Variants in FOXN3 observed in about 807,000 individuals in gnomAD.
The protein encoded by FOXN3 is forkhead box protein N3.
In FOXN3, 7 loss-of-function variants were observed where a neutral mutation model predicts 38.4. That is an observed-to-expected ratio of 0.18 (90% CI 0.10 to 0.34). The LOEUF (loss-of-function observed/expected upper bound fraction) is 0.34. Ranked by LOEUF, FOXN3 falls within the 10% of genes least tolerant of loss-of-function variation. The probability of loss-of-function intolerance (pLI) is 1.00; values close to 1 mark genes in which losing one functional copy is unlikely to be tolerated. For synonymous variants in FOXN3, 230 were observed against 242.2 expected (o/e 0.95, Z 0.47); for missense variants, 456 against 613.4 (o/e 0.74, Z 2.71).
chr14:89,563,410 T>C (rs1024650991), intron 1 of FOXN3, among the ~76,000 whole-genome samples: 7 of 152,208 alleles, frequency 4.6e-5, no homozygotes, highest in African/African-American at 1.4e-4. Context: ...AGAATGGCAA[T>C]GGCAGATCCA....
intron 4 of FOXN3, among the ~76,000 whole-genome samples, chr14:89,242,175 C>T (rs1005807527): frequency 5.3e-5 from 8 of 152,184 alleles, no homozygotes. Flanking sequence ...CAGAAAGTGA[C>T]AGAGAGAAGG....
chr14:89,507,899 A>G (rs533163874), intron 1 of FOXN3, among the ~76,000 whole-genome samples: 26 of 152,244 alleles, frequency 1.7e-4, no homozygotes, highest in Non-Finnish European at 3.4e-4. Context: ...CTTGTGAAGT[A>G]GAAATGATTG....
In FOXN3 at chr14:89,332,723, T is replaced by C. The variant is rs1018774893; in HGVS notation, c.680+17949A>G. On this transcript the variant is annotated intron_variant, in intron 3 of 5. Transcript: ENST00000557258. ...AGTGGGACTACATCAAACTAAAAAGTTTTTTGTACAGCAAAGGAAATAGTC... is the reference window on the plus strand; with the variant it reads ...AGTGGGACTACATCAAACTAAAAAGCTTTTTGTACAGCAAAGGAAATAGTC... Among the ~76,000 whole-genome samples the C allele has an allele frequency of 7.2e-5, 11 of 152,254 alleles. No individual in the cohort carries two copies. In the East Asian group the frequency reaches 1.9e-3, roughly 27 times the overall value.
chr14:89,611,797 C>T (rs1280674246), intron 1 of FOXN3, among the ~76,000 whole-genome samples: 5 of 120,608 alleles, frequency 4.1e-5, no homozygotes, highest in Non-Finnish European at 8.5e-5. Context: ...CAGAGTGAGA[C>T]TCCGTCTCAA....
At chr14:89,524,301 G>C (rs1352811376) in intron 1 of FOXN3, among the ~76,000 whole-genome samples, 1 of 137,938 alleles carries the variant, frequency 7.2e-6, no homozygotes, top group African/African-American at 2.6e-5. Flanking sequence ...GTGAAACCCG[G>C]GGGGCAGAGC....
chr14:89,463,838 G>A (rs1175083318), intron 1 of FOXN3, among the ~76,000 whole-genome samples: 3 of 149,844 alleles, frequency 2.0e-5, no homozygotes, highest in African/African-American at 7.4e-5. Flanking sequence ...AGACTGGAGT[G>A]CAGTGACGCA....
At chr14:89,276,868 T>G (rs1886315092) in intron 4 of FOXN3, among the ~76,000 whole-genome samples, 1 of 152,082 alleles carries the variant, frequency 6.6e-6, no homozygotes, top group African/African-American at 2.4e-5. Context: ...AGGGCAGAAG[T>G]AGGATATAAA....
At chr14:89,531,961 A>G (rs556517655) in intron 1 of FOXN3, among the ~76,000 whole-genome samples, 2 of 152,326 alleles carry the variant, frequency 1.3e-5, no homozygotes, top group East Asian at 3.9e-4. Flanking sequence ...GGCATGAGCC[A>G]CCACACCTGG....
At chr14:89,237,106 G>A (rs1263547451) in intron 4 of FOXN3, among the ~76,000 whole-genome samples, 3 of 150,568 alleles carry the variant, frequency 2.0e-5, no homozygotes, top group African/African-American at 7.4e-5. Context: ...GGGCAATACT[G>A]AATATATACA....
intron 5 of FOXN3, among the ~76,000 whole-genome samples, chr14:89,178,708 A>C (rs1221899693): frequency 6.6e-6 from 1 of 152,246 alleles, no homozygotes; most frequent in Non-Finnish European, 1.5e-5. Context: ...GGAACTAATC[A>C]GTAAAATTTG....
At chr14:89,325,286 A>G (rs796970160) in intron 3 of FOXN3, among the ~76,000 whole-genome samples, 3 of 74,362 alleles carry the variant, frequency 4.0e-5, no homozygotes, top group South Asian at 8.8e-4. Context: ...ACCAACACCA[A>G]CACCACCAAC....
intron 5 of FOXN3, among the ~76,000 whole-genome samples, chr14:89,171,766 C>A (rs183571175): frequency 1.1e-3 from 161 of 152,102 alleles, no homozygotes; most frequent in Non-Finnish European, 1.9e-3. Flanking sequence ...TCCTAAGAAA[C>A]CTTTAACTAA....
intron 1 of FOXN3, among the ~76,000 whole-genome samples, chr14:89,499,912 T>C (rs1292249101): frequency 6.6e-6 from 1 of 152,058 alleles, no homozygotes; most frequent in African/African-American, 2.4e-5. Context: ...GTTTGTTTTT[T>C]TGAGGTTGCT....
chr14:89,445,957 CG>C (rs1892484189), intron 1 of FOXN3, among the ~76,000 whole-genome samples: 1 of 133,546 alleles, frequency 7.5e-6, no homozygotes, highest in South Asian at 2.8e-4. Context: ...TGGGGGGTGG[CG>C]GGGGTGGAGG....
chr14:89,234,923 C>T (rs530474998), intron 4 of FOXN3, among the ~76,000 whole-genome samples: 8 of 152,238 alleles, frequency 5.3e-5, no homozygotes, highest in Admixed American at 2.0e-4. Context: ...TATGAGTGCC[C>T]GCTCAAATTT....
chr14:89,193,807 C>T, intron 4 of FOXN3, among the ~76,000 whole-genome samples: 1 of 152,262 alleles, frequency 6.6e-6, no homozygotes, highest in East Asian at 1.9e-4. Context: ...AGAGGGTGTA[C>T]CACGTAGGAG....
chr14:89,547,414 G>A (rs1033044182), intron 1 of FOXN3, among the ~76,000 whole-genome samples: 11 of 151,890 alleles, frequency 7.2e-5, no homozygotes, highest in Non-Finnish European at 1.5e-4. Flanking sequence ...GCCACCATGC[G>A]TGGCTAATTG....
At chr14:89,456,090 A>G (rs180719408) in intron 1 of FOXN3, among the ~76,000 whole-genome samples, 1 of 148,420 alleles carries the variant, frequency 6.7e-6, no homozygotes, top group African/African-American at 2.5e-5. Flanking sequence ...GCTACTCAGG[A>G]GGCTGAGGCA....
chr14:89,495,231 C>T (rs997944732), intron 1 of FOXN3, among the ~76,000 whole-genome samples: 18 of 152,072 alleles, frequency 1.2e-4, no homozygotes, highest in Non-Finnish European at 7.4e-5. Flanking sequence ...ATACAATTTT[C>T]GCACTAAATA....
Sources: gnomAD v4.1 joint callset for allele counts (sites outside exome capture counted in the v4.1 genomes callset) on GRCh38, gnomAD v4.1.1 for gene constraint, MANE v1.5 for transcripts, NCBI Gene and HGNC (gene_info 2026-07-23, HGNC 2026-07-21) for gene names.